NFIB: variants seen among roughly 807,000 people sequenced by gnomAD.
The protein encoded by NFIB is nuclear factor I B.
NFIB carries 11 observed loss-of-function variants against 61.5 expected under a neutral mutation model. That is an observed-to-expected ratio of 0.18 (90% confidence interval 0.11 to 0.30). NFIB has a LOEUF of 0.30. Ranked by LOEUF, NFIB falls within the 10% of genes least tolerant of loss-of-function variation. The pLI, the probability that NFIB is intolerant of heterozygous loss-of-function variation, is 1.00. For missense variants in NFIB, 471 were observed against 608.9 expected (o/e 0.77, Z 2.38); for synonymous variants, 260 against 216.5 (o/e 1.20, Z -1.76).
chr9:14,460,261 A>G, the NFIB span, among the ~76,000 whole-genome samples: 1 of 152,036 alleles, frequency 6.6e-6, no homozygotes, highest in Non-Finnish European at 1.5e-5. Flanking sequence ...AGCAAACTAT[A>G]GCAAGGACAA....
chr9:14,338,265 G>A (rs1479827555), intron 1 of NFIB, among the ~76,000 whole-genome samples: 5 of 152,112 alleles, frequency 3.3e-5, no homozygotes, highest in Non-Finnish European at 7.4e-5. Flanking sequence ...ATGGTGGCGG[G>A]CGCTTGTAGT....
At chr9:14,153,386 G>A (rs531893057) in intron 4 of NFIB, among the ~76,000 whole-genome samples, 4 of 152,188 alleles carry the variant, frequency 2.6e-5, no homozygotes, top group African/African-American at 9.6e-5. Context: ...AGAGCCTCTG[G>A]AAGAACTTAC....
intron 5 of NFIB, 58 bp downstream of exon 5, chr9:14,150,087 C>G: frequency 6.2e-7 from 1 of 1,602,982 alleles, no homozygotes; most frequent in Non-Finnish European, 8.5e-7. Context: ...TGCCTATCAT[C>G]CACCTACGAA....
chr9:14,522,694 T>C, the NFIB span, among the ~76,000 whole-genome samples: 18 of 152,250 alleles, frequency 1.2e-4, no homozygotes, highest in African/African-American at 4.3e-4. Context: ...GATGTTACTT[T>C]GAGTCTCATA....
At chr9:14,346,832 A>G (rs2061029123) in intron 1 of NFIB, among the ~76,000 whole-genome samples, 1 of 152,174 alleles carries the variant, frequency 6.6e-6, no homozygotes, top group African/African-American at 2.4e-5. Context: ...GAACTCAAGA[A>G]GACGTCAGAA....
chr9:14,459,630 C>T, the NFIB span, among the ~76,000 whole-genome samples: 1 of 151,776 alleles, frequency 6.6e-6, no homozygotes, highest in Non-Finnish European at 1.5e-5. Flanking sequence ...TGACAAAGGG[C>T]TAATATCCAG....
chr9:14,338,655 C>T (rs1016794835), intron 1 of NFIB, among the ~76,000 whole-genome samples: 1 of 152,170 alleles, frequency 6.6e-6, no homozygotes, highest in Non-Finnish European at 1.5e-5. Flanking sequence ...TAGCTCATCA[C>T]CTCAGCTACC....
chr9:14,360,597 T>G (rs1163877781), intron 1 of NFIB, among the ~76,000 whole-genome samples: 1 of 150,864 alleles, frequency 6.6e-6, no homozygotes, highest in Non-Finnish European at 1.5e-5. Context: ...CAGGCTGGAG[T>G]GCAGTGGCGC....
chr9:14,259,258 G>C (rs1355045037), intron 2 of NFIB, among the ~76,000 whole-genome samples: 1 of 152,216 alleles, frequency 6.6e-6, no homozygotes, highest in Non-Finnish European at 1.5e-5. Flanking sequence ...TGAAGAGAAA[G>C]TGAAAAGGCC....
chr9:14,094,010 C>G (rs1275015870), intron 10 of NFIB, among the ~76,000 whole-genome samples: 1 of 152,164 alleles, frequency 6.6e-6, no homozygotes, highest in East Asian at 1.9e-4. Context: ...ATCCTCATAA[C>G]AAATCTATGA....
chr9:14,383,961 G>A (rs926771585), intron 1 of NFIB, among the ~76,000 whole-genome samples: 1 of 152,214 alleles, frequency 6.6e-6, no homozygotes, highest in African/African-American at 2.4e-5. Flanking sequence ...CAATTGTATA[G>A]GAGGGCATGT....
chr9:14,328,462 AAT>A (rs199869097), intron 1 of NFIB, among the ~76,000 whole-genome samples: 1 of 151,334 alleles, frequency 6.6e-6, no homozygotes, highest in Non-Finnish European at 1.5e-5. Context: ...AGCTGCCCTT[AAT>A]ATATATATAT....
chr9:14,104,145 T>C (rs2036194378), intron 10 of NFIB, among the ~76,000 whole-genome samples: 1 of 151,980 alleles, frequency 6.6e-6, no homozygotes, highest in Non-Finnish European at 1.5e-5. Flanking sequence ...ACTCCTGACC[T>C]TGAGTGATCC....
the NFIB span, among the ~76,000 whole-genome samples, chr9:14,489,178 T>G: frequency 6.6e-6 from 1 of 152,236 alleles, no homozygotes; most frequent in Non-Finnish European, 1.5e-5. Flanking sequence ...AGATCTATAG[T>G]TTTATCCTTG....
intron 1 of NFIB, among the ~76,000 whole-genome samples, chr9:14,386,255 C>G (rs978907410): frequency 2.6e-5 from 4 of 152,242 alleles, no homozygotes; most frequent in African/African-American, 9.6e-5. Flanking sequence ...GGATACCTTG[C>G]TCTCCAGAGC....
intron 10 of NFIB, chr9:14,093,317 T>C (rs1235077608): frequency 1.3e-5 from 2 of 152,106 alleles, no homozygotes; most frequent in East Asian, 1.9e-4. Flanking sequence ...AGGGGAACAA[T>C]AGTATTGTCC....
chr9:14,313,221 T>C lies in NFIB; in HGVS notation c.30+261A>G, dbSNP rs890648100. On this transcript the variant is annotated intron_variant, in intron 1 of 10. Transcript: ENST00000380953. This position sits in a 1 kb window ranked among gnomAD's most constrained non-coding sequence, Gnocchi z 4.5. ...GCCTCGCACTTACAGGTCCCGGCCC[T>C]GCCCACCCCCCGGCGGCCTTGCCCG... is the stretch of plus-strand genomic sequence containing the variant. 4.6e-5 allele frequency among the ~76,000 whole-genome samples: 7 copies of C among 151,666 alleles called. No individual in the cohort carries two copies. Among genetic ancestry groups the C allele is most frequent in the African/African-American group, 1.5e-4 (6 of 41,338 alleles).
At chr9:14,235,686 AT>A (rs1408629469) in intron 2 of NFIB, among the ~76,000 whole-genome samples, 1 of 152,230 alleles carries the variant, frequency 6.6e-6, no homozygotes, top group Admixed American at 6.5e-5. Flanking sequence ...CTGAATTACA[AT>A]TAGGTGCTAA....
At position 14,260,457 on chromosome 9, in the gene NFIB, G is replaced by A. The variant is rs893350421; in HGVS notation, c.562+46532C>T. Among the ~76,000 whole-genome samples, 58 of 152,258 alleles carry A rather than the reference G, an allele frequency of 3.8e-4. 1 individual carries two copies. The highest frequency in any genetic ancestry group is 6.2e-4 in the South Asian group (3 of 4,816). ...AGTTTATGTAGCTTATGTGAAACTC[G>A]TTTGTCACTTTCTAAAGATTTACTT... On this transcript the variant is annotated intron_variant, in intron 2 of 10. Coordinates refer to ENST00000380953, the MANE Select transcript of NFIB (RefSeq NM_001190737.2).
Sources: allele counts gnomAD v4.1 joint callset (sites outside exome capture counted in the v4.1 genomes callset), GRCh38; gene constraint gnomAD v4.1.1; non-coding constraint Gnocchi (gnomAD v3.1); transcripts MANE v1.5; gene names NCBI Gene and HGNC (gene_info 2026-07-23, HGNC 2026-07-21).